LARGE1: variants seen among roughly 807,000 people sequenced by gnomAD.
The protein encoded by LARGE1 is LARGE xylosyl- and glucuronyltransferase 1, also known as xylosyl- and glucuronyltransferase LARGE1.
In LARGE1, 43 loss-of-function variants were observed where a neutral mutation model predicts 87.6. The observed-to-expected ratio is 0.49, with a 90% confidence interval of 0.38 to 0.63. The LOEUF is 0.63. Among genes scored for constraint, LARGE1 ranks in the 30% least tolerant of loss-of-function variants. LARGE1 has a pLI of 0.00. For missense variants in LARGE1, 802 were observed against 1,000.2 expected (o/e 0.80, Z 2.67); for synonymous variants, 434 against 394.6 (o/e 1.10, Z -1.18).
chr22:33,368,403 G>A (rs1182596063), intron 9 of LARGE1, among the ~76,000 whole-genome samples: 2 of 151,762 alleles, frequency 1.3e-5, no homozygotes, highest in Non-Finnish European at 2.9e-5. Flanking sequence ...GCGTGGTGGC[G>A]GGCACCTGTA....
At chr22:33,781,333 T>G (rs1430773933) in intron 1 of LARGE1, among the ~76,000 whole-genome samples, 1 of 152,048 alleles carries the variant, frequency 6.6e-6, no homozygotes, top group Non-Finnish European at 1.5e-5. Flanking sequence ...AAACCCCATC[T>G]CTACTAAAAA....
intron 2 of LARGE1, among the ~76,000 whole-genome samples, chr22:33,695,397 A>G (rs547664941): frequency 1.7e-4 from 26 of 152,210 alleles, no homozygotes; most frequent in Non-Finnish European, 3.1e-4. Context: ...GATTTTCTTA[A>G]CAAACAACTG....
intron 1 of LARGE1, among the ~76,000 whole-genome samples, chr22:33,866,376 T>C (rs2064104212): frequency 6.6e-6 from 1 of 152,268 alleles, no homozygotes; most frequent in Non-Finnish European, 1.5e-5. Context: ...AAAATTCAGT[T>C]CCTCAGTTGC....
chr22:33,440,961 C>T (rs183779561), intron 6 of LARGE1, among the ~76,000 whole-genome samples: 8 of 151,994 alleles, frequency 5.3e-5, no homozygotes, highest in Admixed American at 3.3e-4. Context: ...TATAGAAACA[C>T]GCAGTCAATG....
At chr22:33,699,780 G>T (rs917938700) in intron 2 of LARGE1, among the ~76,000 whole-genome samples, 1 of 152,092 alleles carries the variant, frequency 6.6e-6, no homozygotes, top group African/African-American at 2.4e-5. Flanking sequence ...TTAATTAAAA[G>T]ATTTCTTGGC....
intron 1 of LARGE1, among the ~76,000 whole-genome samples, chr22:33,889,630 T>C (rs2064952319): frequency 6.6e-6 from 1 of 152,074 alleles, no homozygotes; most frequent in African/African-American, 2.4e-5. Flanking sequence ...CTGGGTCTGG[T>C]GTTTGCAGGG....
At chr22:33,752,450 C>T (rs1030533283) in intron 2 of LARGE1, among the ~76,000 whole-genome samples, 1 of 152,134 alleles carries the variant, frequency 6.6e-6, no homozygotes, top group African/African-American at 2.4e-5. Context: ...AAAGAGCAGA[C>T]ATTCTGAACT....
At chr22:33,334,707 T>C (rs915025093) in intron 10 of LARGE1, among the ~76,000 whole-genome samples, 2 of 152,160 alleles carry the variant, frequency 1.3e-5, no homozygotes, top group African/African-American at 4.8e-5. Context: ...GGTGACTGCT[T>C]AGAGCAGGCT....
At chr22:33,813,676 A>C (rs1360406503) in intron 1 of LARGE1, among the ~76,000 whole-genome samples, 1 of 152,158 alleles carries the variant, frequency 6.6e-6, no homozygotes, top group Non-Finnish European at 1.5e-5. Flanking sequence ...TGCCTAGTAA[A>C]GATCTCATGG....
At chr22:33,235,268 C>T (rs1320546356) in intron 11 of LARGE1, among the ~76,000 whole-genome samples, 1 of 152,062 alleles carries the variant, frequency 6.6e-6, no homozygotes, top group Non-Finnish European at 1.5e-5. Context: ...TAGACAAATA[C>T]ATAAAGAAGA....
At chr22:33,641,109 G>T (rs917168170) in intron 3 of LARGE1, among the ~76,000 whole-genome samples, 22 of 152,260 alleles carry the variant, frequency 1.4e-4, no homozygotes, top group African/African-American at 5.3e-4. Flanking sequence ...CCTGACTCCT[G>T]TGCCTCCTGA....
At chr22:33,343,403 T>C (rs1939383413) in intron 9 of LARGE1, among the ~76,000 whole-genome samples, 1 of 152,196 alleles carries the variant, frequency 6.6e-6, no homozygotes, top group African/African-American at 2.4e-5. Context: ...TACAGCACTT[T>C]GAGCATCTGC....
chr22:33,445,795 G>A (rs969156911), intron 6 of LARGE1, among the ~76,000 whole-genome samples: 6 of 151,950 alleles, frequency 3.9e-5, no homozygotes, highest in Admixed American at 6.6e-5. Context: ...GATTATAGGC[G>A]CCTGCCACCA....
chr22:33,217,457 G>A (rs1925263131), intron 11 of LARGE1, among the ~76,000 whole-genome samples: 1 of 152,174 alleles, frequency 6.6e-6, no homozygotes, highest in South Asian at 2.1e-4. Flanking sequence ...TGGCAGCACA[G>A]ATTAGTCTCC....
chr22:33,686,051 C>CAT (rs1479942813), intron 2 of LARGE1, among the ~76,000 whole-genome samples: 1 of 152,114 alleles, frequency 6.6e-6, no homozygotes, highest in East Asian at 1.9e-4. Context: ...ATACAGAGTG[C>CAT]ATATAAATTC....
At position 33,709,675 on chromosome 22, in the gene LARGE1, G is replaced by A. The variant is rs143541093; in HGVS notation, c.106+51696C>T. On this transcript the variant is annotated intron_variant, in intron 2 of 14. Transcript: ENST00000397394. The stretch of plus-strand genomic sequence containing the variant: ...GAGTCTTGCTCTGTCACCCAGGCTG[G>A]AGTGCAGTGGCGCGATCTCAGCTCA... Among the ~76,000 whole-genome samples the A allele has an allele frequency of 9.9e-3, 1,485 of 150,578 alleles. 25 individuals are homozygous for A. The highest frequency in any genetic ancestry group is 0.035 in the African/African-American group (1,413 of 40,856).
At chr22:33,076,746 C>T in the LARGE1 span, among the ~76,000 whole-genome samples, 10 of 152,160 alleles carry the variant, frequency 6.6e-5, no homozygotes, top group Non-Finnish European at 1.5e-4. Flanking sequence ...CACAGATAAG[C>T]TTAAGATAAG....
intron 6 of LARGE1, among the ~76,000 whole-genome samples, chr22:33,531,895 G>A (rs5754589): frequency 0.6 from 90,702 of 152,084 alleles, 27,272 homozygotes; most frequent in Admixed American, 0.68. Flanking sequence ...TTATCTTGCC[G>A]GGTGAGCTTC....
At chr22:33,382,149 C>T in intron 8 of LARGE1, 105 bp from the exon 9 acceptor site, 2 of 1,464,716 alleles carry the variant, frequency 1.4e-6, no homozygotes, top group Admixed American at 1.8e-5. Flanking sequence ...TCTCTTGAAC[C>T]TCCTGCTCTG....
Sources: gnomAD v4.1 joint callset for allele counts (sites outside exome capture counted in the v4.1 genomes callset) on GRCh38, gnomAD v4.1.1 for gene constraint, MANE v1.5 for transcripts, NCBI Gene and HGNC (gene_info 2026-07-23, HGNC 2026-07-21) for gene names.